RASGRF1: variants seen among roughly 807,000 people sequenced by gnomAD.
RASGRF1 encodes Ras protein specific guanine nucleotide releasing factor 1, also known as ras-specific guanine nucleotide-releasing factor 1.
Under a neutral mutation model 138.7 loss-of-function variants are expected in RASGRF1, and 40 were observed. That is an observed-to-expected ratio of 0.29 (90% CI 0.22 to 0.38). RASGRF1 has a LOEUF of 0.38. RASGRF1 is among the 10% of genes least tolerant of loss of function. The probability of loss-of-function intolerance (pLI) is 1.00; values close to 1 mark genes in which losing one functional copy is unlikely to be tolerated. For synonymous variants in RASGRF1, 614 were observed against 663.2 expected, an observed-to-expected ratio of 0.93 and a Z score of 1.14; for missense variants, 1,108 against 1,650.4, an observed-to-expected ratio of 0.67 and a Z score of 5.69.
At chr15:79,056,895 G>C (rs554975673) in intron 3 of RASGRF1, among the ~76,000 whole-genome samples, 4 of 152,292 alleles carry the variant, frequency 2.6e-5, no homozygotes, top group African/African-American at 7.2e-5. Context: ...TCTTAAGATA[G>C]TTTTCTCTTT....
intron 4 of RASGRF1, among the ~76,000 whole-genome samples, chr15:79,048,244 G>A (rs1595936942): frequency 6.6e-6 from 1 of 152,284 alleles, no homozygotes; most frequent in Admixed American, 6.5e-5. Context: ...TCCTAGAGGT[G>A]CGTGAGGCTA....
At chr15:79,051,697 A>G (rs2057432536) in intron 3 of RASGRF1, among the ~76,000 whole-genome samples, 1 of 152,214 alleles carries the variant, frequency 6.6e-6, no homozygotes, top group South Asian at 2.1e-4. Context: ...CATCTACTCA[A>G]CAGGGACTAG....
At chr15:79,009,613 A>C (rs2056752316) in intron 13 of RASGRF1, among the ~76,000 whole-genome samples, 1 of 152,208 alleles carries the variant, frequency 6.6e-6, no homozygotes, top group Admixed American at 6.5e-5. Flanking sequence ...GGGGAAGAGA[A>C]AGTGAAGAAA....
chr15:78,965,577 G>A (rs115774568), intron 26 of RASGRF1, among the ~76,000 whole-genome samples: 10 of 152,252 alleles, frequency 6.6e-5, no homozygotes, highest in South Asian at 2.1e-4. Flanking sequence ...CCAGCCAGGC[G>A]CAGTGGCTTA....
chr15:79,081,017 G>T (rs890583713), intron 1 of RASGRF1, among the ~76,000 whole-genome samples: 1 of 152,208 alleles, frequency 6.6e-6, no homozygotes, highest in Non-Finnish European at 1.5e-5. Flanking sequence ...GGGTCACTGT[G>T]GTGGTTAAAT....
intron 24 of RASGRF1, among the ~76,000 whole-genome samples, chr15:78,976,439 A>G (rs532061323): frequency 6.6e-6 from 1 of 152,268 alleles, no homozygotes; most frequent in Admixed American, 6.5e-5. Flanking sequence ...AAGTTTACCA[A>G]TTTGTGTTGG....
chr15:79,005,044 C>T, intron 14 of RASGRF1: 1 of 985,498 alleles, frequency 1.0e-6, no homozygotes. Flanking sequence ...TGCTGGGCCC[C>T]TGGGAATGAT....
intron 1 of RASGRF1, among the ~76,000 whole-genome samples, chr15:79,070,609 G>A (rs1467887571): frequency 6.6e-6 from 1 of 152,156 alleles, no homozygotes; most frequent in Non-Finnish European, 1.5e-5. Context: ...AGTCACTGAG[G>A]TTCTCACCTC....
At chr15:78,969,484 C>T (rs1290253732) in intron 26 of RASGRF1, among the ~76,000 whole-genome samples, 4 of 152,078 alleles carry the variant, frequency 2.6e-5, no homozygotes, top group South Asian at 2.1e-4. Context: ...GCCTGACCAA[C>T]GTGGTGAAAC....
At position 79,047,055 on chromosome 15, in the gene RASGRF1, G is replaced by C. The variant is rs1054359111; in HGVS notation, c.625-56C>G. 7 of 1,577,526 alleles carry C rather than the reference G, an allele frequency of 4.4e-6. No homozygotes were observed. In the African/African-American group the frequency reaches 5.4e-5, roughly 12 times the overall value. Reference sequence around the variant, plus strand: ...CTGTCAGGGAGTCTGGACCACTCCTGTCCTTCCAGGCTGTGAGCTCCCCAA... The same window carrying C: ...CTGTCAGGGAGTCTGGACCACTCCTCTCCTTCCAGGCTGTGAGCTCCCCAA... On this transcript the variant is annotated intron_variant, in intron 4 of 26. Coordinates refer to ENST00000558480, the MANE Select transcript of RASGRF1 (RefSeq NM_001145648.3).
chr15:79,055,408 GAGAGAGAGAC>G (rs2057497818), intron 3 of RASGRF1, among the ~76,000 whole-genome samples: 1 of 152,304 alleles, frequency 6.6e-6, no homozygotes, highest in South Asian at 2.1e-4. Context: ...GAAACAGAGA[GAGAGAGAGAC>G]AGAGAGAGAC....
At chr15:78,995,439 C>T (rs759905293) in intron 20 of RASGRF1, among the ~76,000 whole-genome samples, 6 of 151,976 alleles carry the variant, frequency 3.9e-5, no homozygotes, top group Admixed American at 6.6e-5. Context: ...CAGGCACCTG[C>T]CACCACGCCT....
chr15:78,965,068 A>T (rs1352641618), intron 26 of RASGRF1, among the ~76,000 whole-genome samples: 4 of 152,200 alleles, frequency 2.6e-5, no homozygotes, highest in Admixed American at 6.5e-5. Context: ...TGCAATGAAG[A>T]TCTTCTAGAA....
intron 3 of RASGRF1, among the ~76,000 whole-genome samples, chr15:79,055,345 G>T (rs1213250536): frequency 6.6e-6 from 1 of 152,094 alleles, no homozygotes; most frequent in Non-Finnish European, 1.5e-5. Context: ...TGACCTGCAG[G>T]ACGTGTTTGT....
intron 10 of RASGRF1, among the ~76,000 whole-genome samples, chr15:79,021,914 A>G (rs1341928125): frequency 6.6e-6 from 1 of 152,238 alleles, no homozygotes. Flanking sequence ...TAAGAGTGAC[A>G]ATGTCTGTTA....
intron 12 of RASGRF1, among the ~76,000 whole-genome samples, chr15:79,016,436 T>C (rs529037220): frequency 5.2e-4 from 79 of 152,348 alleles, no homozygotes; most frequent in African/African-American, 1.9e-3. Flanking sequence ...AAAGAAGACT[T>C]GGCCATGGGC....
intron 5 of RASGRF1, among the ~76,000 whole-genome samples, chr15:79,041,825 T>C (rs2057300805): frequency 6.6e-6 from 1 of 152,206 alleles, no homozygotes; most frequent in African/African-American, 2.4e-5. Flanking sequence ...TTCCAGGGCC[T>C]GCCCCTCGTC....
intron 5 of RASGRF1, among the ~76,000 whole-genome samples, chr15:79,039,314 A>G (rs867957507): frequency 0.041 from 6,118 of 149,828 alleles, 499 homozygotes; most frequent in African/African-American, 0.14. Context: ...AAAAAAAAAA[A>G]AAAAAAAAGA....
intron 24 of RASGRF1, among the ~76,000 whole-genome samples, chr15:78,975,943 G>T (rs922942278): frequency 3.3e-5 from 5 of 152,202 alleles, no homozygotes; most frequent in Non-Finnish European, 7.3e-5. Context: ...GTGCTGACCG[G>T]TGGGTTCTGA....
Sources: allele counts gnomAD v4.1 joint callset (sites outside exome capture counted in the v4.1 genomes callset), GRCh38; gene constraint gnomAD v4.1.1; transcripts MANE v1.5; gene names NCBI Gene and HGNC (gene_info 2026-07-23, HGNC 2026-07-21).